SNTG1: variants seen among roughly 807,000 people sequenced by gnomAD.
The protein encoded by SNTG1 is syntrophin gamma 1, also known as gamma-1-syntrophin.
A neutral mutation model predicts 74.7 loss-of-function variants in SNTG1; 39 were observed. That is an observed-to-expected ratio of 0.52 (90% CI 0.40 to 0.68). SNTG1 has a LOEUF of 0.68. SNTG1 is among the 30% of genes least tolerant of loss of function. The probability of loss-of-function intolerance (pLI) is 0.00; values close to 1 mark genes in which losing one functional copy is unlikely to be tolerated. For synonymous variants in SNTG1, 254 were observed against 217.1 expected, an observed-to-expected ratio of 1.17 and a Z score of -1.49; for missense variants, 685 against 609.5, an observed-to-expected ratio of 1.12 and a Z score of -1.30.
intron 18 of SNTG1, among the ~76,000 whole-genome samples, chr8:50,785,221 A>G (rs764281848): frequency 6.6e-6 from 1 of 151,962 alleles, no homozygotes; most frequent in Admixed American, 6.6e-5. Flanking sequence ...AAGAATACAT[A>G]AACAATTGAG....
intron 13 of SNTG1, among the ~76,000 whole-genome samples, chr8:50,622,115 C>T (rs773473891): frequency 6.6e-6 from 1 of 152,312 alleles, no homozygotes; most frequent in East Asian, 1.9e-4. Context: ...CTGCCCCAAT[C>T]TCTCTGCTTA....
chr8:50,633,949 C>T (rs910535493), intron 13 of SNTG1, among the ~76,000 whole-genome samples: 2 of 152,142 alleles, frequency 1.3e-5, no homozygotes, highest in Non-Finnish European at 2.9e-5. Flanking sequence ...ATGATTCTCT[C>T]TTCCATAAGT....
At chr8:50,334,164 C>T (rs184697213) in intron 2 of SNTG1, among the ~76,000 whole-genome samples, 103 of 152,154 alleles carry the variant, frequency 6.8e-4, no homozygotes, top group East Asian at 5.8e-3. Context: ...CCCAAAGTGC[C>T]GGGATTACAG....
At chr8:50,299,126 C>A (rs1487451973) in intron 2 of SNTG1, among the ~76,000 whole-genome samples, 1 of 152,004 alleles carries the variant, frequency 6.6e-6, no homozygotes, top group African/African-American at 2.4e-5. Context: ...CTTCTAGGAC[C>A]AGTTTACACC....
At chr8:50,423,207 A>G (rs1218496422) in intron 4 of SNTG1, among the ~76,000 whole-genome samples, 4 of 152,240 alleles carry the variant, frequency 2.6e-5, no homozygotes, top group Non-Finnish European at 5.9e-5. Context: ...AGGGAGATAC[A>G]AGGAAAATCT....
At chr8:50,504,288 T>A (rs185296788) in intron 9 of SNTG1, among the ~76,000 whole-genome samples, 7 of 152,326 alleles carry the variant, frequency 4.6e-5, no homozygotes, top group South Asian at 4.1e-4. Flanking sequence ...CTATTGTGAA[T>A]AGTGCTGCAA....
intron 12 of SNTG1, among the ~76,000 whole-genome samples, chr8:50,584,653 A>G (rs1226325493): frequency 6.6e-6 from 1 of 151,990 alleles, no homozygotes. Context: ...ATATCCCAGC[A>G]TAGCACCTGA....
Position 50,663,852 on chromosome 8 carries a change from G to A in SNTG1, c.1038+5189G>A, listed in dbSNP as rs1481358598. Among the ~76,000 whole-genome samples the A allele has an allele frequency of 2.6e-5, 4 of 152,176 alleles. No homozygotes were observed. The East Asian group carries it at 5.8e-4, about 22-fold the overall frequency. On this transcript the variant is annotated intron_variant, in intron 15 of 18. Coordinates refer to ENST00000642720, the MANE Select transcript of SNTG1 (RefSeq NM_018967.5). ...TGCAAACTCTCTCAGCATTGCAAAT[G>A]CCTCCTGGCAGCCCTATCCTGACAG...
intron 2 of SNTG1, among the ~76,000 whole-genome samples, chr8:50,262,067 A>G (rs1046320118): frequency 6.6e-6 from 1 of 152,172 alleles, no homozygotes; most frequent in Non-Finnish European, 1.5e-5. Flanking sequence ...AGCTGGAAAA[A>G]TCACCAAATA....
At chr8:50,080,451 T>C (rs573963026) in intron 1 of SNTG1, among the ~76,000 whole-genome samples, 6 of 152,306 alleles carry the variant, frequency 3.9e-5, no homozygotes, top group East Asian at 1.9e-4. Flanking sequence ...TTTAGCACAT[T>C]CACATTTAAA....
rs565950361 is a variant in SNTG1, at chr8:50,792,754, A to G, written c.1479A>G (p.Leu493=). 235 of 1,612,442 alleles carry G rather than the reference A, an allele frequency of 1.5e-4. 1 individual carries two copies. The South Asian group carries it at 2.5e-3, about 17-fold the overall frequency. Residue 493 remains leucine, a synonymous_variant, in exon 19 of 19, where the codon CTA becomes CTG. Transcript: ENST00000642720. ...FAAKVACLDP[L]FLGNQATAST... The stretch of plus-strand genomic sequence containing the variant: ...CCAAGGTAGCTTGTTTGGACCCTCT[A>G]TTTTTAGGCAATCAAGCTACTGCTT...
intron 1 of SNTG1, among the ~76,000 whole-genome samples, chr8:50,103,050 T>C (rs1377985699): frequency 6.6e-6 from 1 of 151,988 alleles, no homozygotes; most frequent in Non-Finnish European, 1.5e-5. Context: ...CGGGCTCTTT[T>C]TTGGTTCCAT....
intron 2 of SNTG1, among the ~76,000 whole-genome samples, chr8:50,301,163 T>C (rs1175598082): frequency 1.3e-5 from 2 of 152,102 alleles, no homozygotes; most frequent in Non-Finnish European, 2.9e-5. Context: ...ATTTTCTTCC[T>C]TCATCACTCT....
Position 50,310,856 on chromosome 8 carries a change from A to G in SNTG1, c.-27-83356A>G, listed in dbSNP as rs182018458. 2.0e-5 allele frequency among the ~76,000 whole-genome samples: 3 copies of G among 152,356 alleles called. No individual in the cohort carries two copies. In the East Asian group the frequency reaches 5.8e-4, roughly 29 times the overall value. ...AGTATAAAATACACATTTCCCATAT[A>G]TAAAGAATGTATGTGTATAATTGAA... On this transcript the variant is annotated intron_variant, in intron 2 of 18. Coordinates refer to ENST00000642720, the MANE Select transcript of SNTG1 (RefSeq NM_018967.5).
At chr8:49,923,288 A>G (rs1013214067) in intron 1 of SNTG1, among the ~76,000 whole-genome samples, 7 of 152,284 alleles carry the variant, frequency 4.6e-5, no homozygotes, top group African/African-American at 1.7e-4. Flanking sequence ...ATTCCTTCAA[A>G]TCTTACCCAA....
intron 2 of SNTG1, among the ~76,000 whole-genome samples, chr8:50,237,324 T>A (rs1016251707): frequency 4.6e-5 from 7 of 152,188 alleles, no homozygotes; most frequent in Admixed American, 1.3e-4. Context: ...AAATTCGGGT[T>A]CCATTATTTT....
intron 2 of SNTG1, among the ~76,000 whole-genome samples, chr8:50,191,466 G>T (rs571241705): frequency 6.6e-6 from 1 of 151,944 alleles, no homozygotes; most frequent in African/African-American, 2.4e-5. Context: ...GAAATAGTTC[G>T]GCAAATCATT....
intron 12 of SNTG1, chr8:50,568,788 T>G (rs555664660): frequency 6.6e-6 from 1 of 152,306 alleles, no homozygotes; most frequent in East Asian, 1.9e-4. Context: ...GTTAATTGTT[T>G]TCTTTGCTGT....
Position 50,125,417 on chromosome 8 carries a change from C to A in SNTG1, c.-102-47144C>A, listed in dbSNP as rs1460551563. 1.4e-5 allele frequency among the ~76,000 whole-genome samples: 2 copies of A among 141,770 alleles called. 1 individual carries two copies. The highest frequency in any genetic ancestry group is 5.1e-5 in the African/African-American group (2 of 39,242). The allele number at this position is 141,770 out of a possible 152,430, so 93.0% of individuals were successfully genotyped here. A position where few individuals can be genotyped will look rare whatever the true frequency, so the allele number is the denominator to read the frequency against. On this transcript the variant is annotated intron_variant, in intron 1 of 18. Transcript: ENST00000642720. Reference sequence around the variant, plus strand: ...GAAGATGGTTAATTTTGTCCAATACCATTTTTGTTTGTTTCTTTAAATAGA... The same window carrying A: ...GAAGATGGTTAATTTTGTCCAATACAATTTTTGTTTGTTTCTTTAAATAGA...
Sources: gnomAD v4.1 joint callset for allele counts (sites outside exome capture counted in the v4.1 genomes callset) on GRCh38, gnomAD v4.1.1 for gene constraint, MANE v1.5 for transcripts, NCBI Gene and HGNC (gene_info 2026-07-23, HGNC 2026-07-21) for gene names.